Variants in MYO7A observed in about 807,000 individuals in gnomAD.
The protein encoded by MYO7A is myosin VIIA.
A neutral mutation model predicts 263.8 loss-of-function variants in MYO7A; 210 were observed. That is an observed-to-expected ratio of 0.80 (90% CI 0.71 to 0.89). MYO7A has a LOEUF of 0.89. Ranked by LOEUF, MYO7A falls within the 40% of genes least tolerant of loss-of-function variation. MYO7A has a pLI of 0.00. For synonymous variants in MYO7A, 1,239 were observed against 1,197.3 expected (o/e 1.03, Z -0.72); for missense variants, 2,820 against 2,968.3 (o/e 0.95, Z 1.16).
At position 77,208,702 on chromosome 11, in the gene MYO7A, G is replaced by A. The variant is rs377517717; in HGVS notation, c.5950G>A (p.Val1984Met). The A allele has an allele frequency of 1.1e-5, 17 of 1,582,226 alleles. No individual in the cohort carries two copies. Among genetic ancestry groups the A allele is most frequent in the Non-Finnish European group, 1.5e-5 (17 of 1,163,512 alleles). Residue 1984 changes from valine (V) to methionine (M), a missense_variant, in exon 44 of 49, where the codon GTG becomes ATG. Physicochemically the swap from Val to Met is conservative, Grantham distance 21 (BLOSUM62 1). Transcript: ENST00000409709. ...KKARPIKDGI[V>M]PSLTYQVFFM... ...CCGACTGCCCTGTGCTGCAGGAATT[G>A]TGCCCTCACTCACCTACCAGGTGTT...
chr11:77,209,801 G>A (rs1485729347), intron 44 of MYO7A, among the ~76,000 whole-genome samples: 1 of 152,176 alleles, frequency 6.6e-6, no homozygotes, highest in African/African-American at 2.4e-5. Context: ...TTTCTCCACA[G>A]GGTGGTCATC....
intron 25 of MYO7A, 105 bp downstream of exon 25, chr11:77,182,705 C>T: frequency 1.6e-6 from 2 of 1,257,290 alleles, no homozygotes; most frequent in Middle Eastern, 2.6e-4. Flanking sequence ...TCCTATAATT[C>T]ATCTCTGCCT....
In MYO7A at chr11:77,197,441, G is replaced by T. The variant is rs780984234; in HGVS notation, c.4324-40G>T. ...GCTGATTTTTAGAGCAAACTCACTCGTATGTTGTCTTCTGTCCCTCTGTCC... is the reference window on the plus strand; with the variant it reads ...GCTGATTTTTAGAGCAAACTCACTCTTATGTTGTCTTCTGTCCCTCTGTCC... On this transcript the variant is annotated intron_variant, in intron 32 of 48. Coordinates refer to ENST00000409709, the MANE Select transcript of MYO7A (RefSeq NM_000260.4). 6.2e-6 allele frequency: 9 copies of T among 1,458,730 alleles called. No homozygotes were observed. In the Admixed American group the frequency reaches 1.8e-4, roughly 29 times the overall value. 90.4% of individuals were successfully genotyped at this position (1,458,730 alleles called of 1,614,324 possible). A position where few individuals can be genotyped will look rare whatever the true frequency, so the allele number is the denominator to read the frequency against.
chr11:77,196,946 C>T (rs545125399), intron 32 of MYO7A, among the ~76,000 whole-genome samples: 4 of 152,206 alleles, frequency 2.6e-5, no homozygotes, highest in Non-Finnish European at 4.4e-5. Context: ...GCACCCCTCA[C>T]GGATCACCTC....
intron 15 of MYO7A, among the ~76,000 whole-genome samples, chr11:77,169,375 C>T (rs1258041257): frequency 1.3e-5 from 2 of 152,250 alleles, no homozygotes; most frequent in Non-Finnish European, 2.9e-5. Flanking sequence ...TGATTAATGC[C>T]TAAGCCCAGT....
At chr11:77,198,894 G>T (rs547094810) in intron 34 of MYO7A, among the ~76,000 whole-genome samples, 1 of 152,348 alleles carries the variant, frequency 6.6e-6, no homozygotes, top group East Asian at 1.9e-4. Context: ...TGACCTGGGG[G>T]TTCAGGGGAC....
At chr11:77,133,214 C>A (rs1464906409) in intron 2 of MYO7A, among the ~76,000 whole-genome samples, 1 of 152,160 alleles carries the variant, frequency 6.6e-6, no homozygotes, top group African/African-American at 2.4e-5. Flanking sequence ...CATGAACATA[C>A]AGGGACTGAG....
At chr11:77,210,916 C>G (rs1565487810) in intron 44 of MYO7A, 1 of 497,462 alleles carries the variant, frequency 2.0e-6, no homozygotes, top group Non-Finnish European at 3.6e-6. Context: ...CATGAGGTAA[C>G]AGACATGGCC....
At chr11:77,155,518 G>A (rs2135219930) in intron 4 of MYO7A, among the ~76,000 whole-genome samples, 1 of 152,344 alleles carries the variant, frequency 6.6e-6, no homozygotes, top group Admixed American at 6.5e-5. Context: ...TAAAAGTTTG[G>A]GATACAGGGC....
chr11:77,203,144 G>A lies in MYO7A; in HGVS notation c.5253G>A (p.Pro1751=), dbSNP rs377388669. ...KDRLWSHTRE[P]LKQALLKKLL... is the part of the protein sequence containing the mutation. Reference sequence around the variant, plus strand: ...GGCTGTGGAGCCACACGCGGGAACCGCTCAAGCAGGCGCTGCTCAAGAAGC... The same window carrying A: ...GGCTGTGGAGCCACACGCGGGAACCACTCAAGCAGGCGCTGCTCAAGAAGC... The change falls in exon 38 of 49, where the codon CCG becomes CCA. Residue 1751 remains proline (P), a synonymous_variant. Coordinates refer to ENST00000409709, the MANE Select transcript of MYO7A (RefSeq NM_000260.4). 19 of 1,550,662 alleles carry A rather than the reference G, an allele frequency of 1.2e-5. No homozygotes were observed. The Admixed American group carries it at 1.6e-4, about 13-fold the overall frequency.
At chr11:77,184,333 G>A (rs1000052538) in intron 26 of MYO7A, among the ~76,000 whole-genome samples, 1 of 152,174 alleles carries the variant, frequency 6.6e-6, no homozygotes, top group Non-Finnish European at 1.5e-5. Flanking sequence ...GCAGGGTATC[G>A]AGGAGGTGGC....
chr11:77,190,315 GC>G (rs1565433839), intron 29 of MYO7A, among the ~76,000 whole-genome samples, 176 bp downstream of exon 29: 1 of 152,196 alleles, frequency 6.6e-6, no homozygotes, highest in Non-Finnish European at 1.5e-5. Flanking sequence ...GAACAGAAAA[GC>G]CCCCAAAGGA....
In MYO7A at chr11:77,156,908, C is replaced by G. The variant is rs540197003; in HGVS notation, c.639C>G (p.Phe213Leu). ...TCCGCAATGACAACTCAAGCCGTTT[C>G]GGAAAGTACATCGACATCCACTTCA... ...KTIRNDNSSR[F>L]GKYIDIHFNK... is the part of the protein sequence containing the mutation. Residue 213 changes from phenylalanine to leucine, a missense_variant, in exon 7 of 49, where the codon TTC becomes TTG. Transcript: ENST00000409709. 1 of 1,614,020 alleles carries G rather than the reference C, an allele frequency of 6.2e-7. No individual in the cohort carries two copies. The highest frequency in any genetic ancestry group is 8.5e-7 in the Non-Finnish European group (1 of 1,179,904).
In MYO7A at chr11:77,174,761, C is replaced by A. The variant is rs533086563; in HGVS notation, c.1941C>A (p.Phe647Leu). 1.3e-6 allele frequency: 2 copies of A among 1,587,620 alleles called. No individual in the cohort carries two copies. Among genetic ancestry groups the A allele is most frequent in the South Asian group, 1.1e-5 (1 of 87,270 alleles). ...CTTGGCTGTGTGCCTGGCAGCTGTT[C>A]GACCGGCACCTGTGCGTGCGCCAGC... is the stretch of plus-strand genomic sequence containing the variant. ...KPNEFKKPML[F>L]DRHLCVRQLR... Residue 647 changes from phenylalanine (F) to leucine (L), a missense_variant, in exon 17 of 49, where the codon TTC (phenylalanine) becomes TTA (leucine). By Grantham distance (22) the Phe-to-Leu change is conservative. Coordinates refer to ENST00000409709, the MANE Select transcript of MYO7A (RefSeq NM_000260.4).
intron 2 of MYO7A, among the ~76,000 whole-genome samples, chr11:77,135,599 G>C (rs911821475): frequency 6.6e-6 from 1 of 152,182 alleles, no homozygotes; most frequent in Non-Finnish European, 1.5e-5. Flanking sequence ...AAGTAGAATT[G>C]CTGGGTCATA....
At chr11:77,213,494 C>T (rs537921560) in intron 47 of MYO7A, among the ~76,000 whole-genome samples, 2 of 152,258 alleles carry the variant, frequency 1.3e-5, no homozygotes, top group South Asian at 4.1e-4. Flanking sequence ...GTCATTCCTT[C>T]CCGGACCCTT....
intron 42 of MYO7A, 66 bp from the exon 43 acceptor site, chr11:77,208,364 T>G (rs374523109): frequency 2.4e-6 from 3 of 1,259,340 alleles, no homozygotes; most frequent in East Asian, 2.4e-5. Context: ...AGACAGGCCT[T>G]AGGTGGGAAG....
intron 38 of MYO7A, among the ~76,000 whole-genome samples, chr11:77,203,741 G>A (rs530240782): frequency 6.6e-6 from 1 of 152,294 alleles, no homozygotes; most frequent in East Asian, 1.9e-4. Context: ...GCACAGACAG[G>A]ATGGGAAGAC....
intron 27 of MYO7A, among the ~76,000 whole-genome samples, chr11:77,186,722 A>G (rs1202113081): frequency 6.6e-6 from 1 of 152,204 alleles, no homozygotes; most frequent in African/African-American, 2.4e-5. Context: ...AATTTTCTCC[A>G]TATCAGCAAA....
Sources: allele counts gnomAD v4.1 joint callset (sites outside exome capture counted in the v4.1 genomes callset), GRCh38; gene constraint gnomAD v4.1.1; transcripts MANE v1.5; gene names NCBI Gene and HGNC (gene_info 2026-07-23, HGNC 2026-07-21).